Variants in FHL5 observed in about 807,000 individuals in gnomAD.
FHL5 encodes the protein four and a half LIM domains protein 5.
FHL5 carries 33 observed loss-of-function variants against 32.0 expected under a neutral mutation model. The ratio of observed to expected loss-of-function variants is 1.03; its 90% CI spans 0.78 to 1.38. The LOEUF is 1.38. FHL5 is among the 40% of genes most tolerant of loss of function. The pLI, the probability that FHL5 is intolerant of heterozygous loss-of-function variation, is 0.00. For missense variants in FHL5, 336 were observed against 343.9 expected (o/e 0.98, Z 0.18); for synonymous variants, 114 against 113.6 (o/e 1.00, Z -0.02).
At chr6:96,590,343 T>C (rs768384601) in intron 1 of FHL5, among the ~76,000 whole-genome samples, 7 of 152,060 alleles carry the variant, frequency 4.6e-5, no homozygotes, top group Non-Finnish European at 8.8e-5. Flanking sequence ...TAATTTTCTA[T>C]GTAGAGAGCT....
intron 1 of FHL5, among the ~76,000 whole-genome samples, chr6:96,582,343 T>A (rs904062417): frequency 2.0e-5 from 3 of 151,964 alleles, no homozygotes; most frequent in Non-Finnish European, 1.5e-5. Context: ...TTTTCTTATA[T>A]CCCAGTGAGA....
intron 1 of FHL5, among the ~76,000 whole-genome samples, chr6:96,569,263 CGTT>C (rs1332542948): frequency 1.3e-5 from 2 of 151,896 alleles, no homozygotes; most frequent in African/African-American, 4.8e-5. Flanking sequence ...TAAAGTTCCT[CGTT>C]ATTTTGATTT....
chr6:96,570,304 T>C (rs1258036470), intron 1 of FHL5, among the ~76,000 whole-genome samples: 2 of 152,210 alleles, frequency 1.3e-5, no homozygotes, highest in Admixed American at 6.5e-5. Context: ...TTTATAACTC[T>C]ATTCTCTCCT....
At chr6:96,612,294 G>C (rs1471560368) in intron 5 of FHL5, among the ~76,000 whole-genome samples, 2 of 152,088 alleles carry the variant, frequency 1.3e-5, no homozygotes, top group Admixed American at 1.3e-4. Context: ...TGGAGCTCCA[G>C]AATCTCCCAA....
chr6:96,592,767 C>G (rs796716964), intron 1 of FHL5, among the ~76,000 whole-genome samples: 36 of 152,306 alleles, frequency 2.4e-4, no homozygotes, highest in African/African-American at 8.7e-4. Flanking sequence ...TGGCTTCAGC[C>G]AGTCCCTCCG....
At chr6:96,586,715 G>A (rs1176272092) in intron 1 of FHL5, among the ~76,000 whole-genome samples, 1 of 152,126 alleles carries the variant, frequency 6.6e-6, no homozygotes, top group Admixed American at 6.6e-5. Context: ...GCCCTAATTG[G>A]AGAGGACTGA....
intron 1 of FHL5, among the ~76,000 whole-genome samples, chr6:96,577,005 A>G (rs1198735546): frequency 6.6e-6 from 1 of 152,248 alleles, no homozygotes; most frequent in African/African-American, 2.4e-5. Flanking sequence ...CCTCAAACAT[A>G]CAACTGCTGA....
At chr6:96,566,248 A>C (rs1021731165) in intron 1 of FHL5, among the ~76,000 whole-genome samples, 1 of 152,018 alleles carries the variant, frequency 6.6e-6, no homozygotes, top group Non-Finnish European at 1.5e-5. Context: ...GAGGACATGC[A>C]GTATTTATCT....
intron 1 of FHL5, among the ~76,000 whole-genome samples, chr6:96,592,203 A>T (rs547826924): frequency 1.5e-4 from 23 of 152,094 alleles, no homozygotes; most frequent in Non-Finnish European, 3.4e-4. Flanking sequence ...GGCTTATTTC[A>T]TCCCTACAGT....
rs1026200289 is a variant in FHL5 at position 96,617,784 on chromosome 6, C to T, written c.*2012C>T. On this transcript the variant is annotated 3_prime_UTR_variant, in exon 6 of 6. Coordinates refer to ENST00000450218, the MANE Select transcript of FHL5 (RefSeq NM_001322466.2). The stretch of plus-strand genomic sequence containing the variant: ...GTTTAGGCATTTTACTGTGTGGGGG[C>T]AGTGAGTATGCACATGATCAGACTT... Among the ~76,000 whole-genome samples, 49 of 152,028 alleles carry T rather than the reference C, an allele frequency of 3.2e-4. No homozygotes were observed. The highest frequency in any genetic ancestry group is 1.0e-3 in the African/African-American group (42 of 41,360).
intron 5 of FHL5, among the ~76,000 whole-genome samples, chr6:96,612,016 C>G (rs368851532): frequency 6.6e-6 from 1 of 152,210 alleles, no homozygotes; most frequent in African/African-American, 2.4e-5. Context: ...CATTCCCCAG[C>G]AGGGTCACCA....
At chr6:96,582,718 T>A (rs148876044) in intron 1 of FHL5, among the ~76,000 whole-genome samples, 1 of 152,304 alleles carries the variant, frequency 6.6e-6, no homozygotes, top group Non-Finnish European at 1.5e-5. Flanking sequence ...GAGACTAATA[T>A]CAAACATTCC....
intron 1 of FHL5, among the ~76,000 whole-genome samples, chr6:96,574,412 G>A (rs1022563825): frequency 6.6e-6 from 1 of 152,194 alleles, no homozygotes; most frequent in Admixed American, 6.5e-5. Flanking sequence ...GCCATAGATA[G>A]TATGATAATG....
At position 96,603,625 on chromosome 6, in the gene FHL5, T is replaced by C; in HGVS notation, c.12T>C (p.Ala4=). Residue 4 remains alanine, a synonymous_variant, in exon 2 of 6, where the codon GCT becomes GCC. Coordinates refer to ENST00000450218, the MANE Select transcript of FHL5 (RefSeq NM_001322466.2). MTT[A]HFYCQYCTAS... is the part of the protein sequence containing the mutation. ...AGGATCAAACCAAAATGACAACTGCTCACTTTTACTGTCAATACTGCACAG... is the reference window on the plus strand; with the variant it reads ...AGGATCAAACCAAAATGACAACTGCCCACTTTTACTGTCAATACTGCACAG... The C allele has an allele frequency of 6.2e-7, 1 of 1,610,682 alleles. No homozygotes were observed. Among genetic ancestry groups the C allele is most frequent in the South Asian group, 1.1e-5 (1 of 90,090 alleles).
At chr6:96,611,111 G>T (rs1052131020) in intron 5 of FHL5, among the ~76,000 whole-genome samples, 1 of 152,158 alleles carries the variant, frequency 6.6e-6, no homozygotes, top group Non-Finnish European at 1.5e-5. Flanking sequence ...AGTGGGAGGA[G>T]AAGAGTACTA....
intron 5 of FHL5, among the ~76,000 whole-genome samples, chr6:96,612,232 A>C (rs1281828628): frequency 6.6e-6 from 1 of 152,110 alleles, no homozygotes; most frequent in Non-Finnish European, 1.5e-5. Context: ...TAGCCAAGAG[A>C]TCTCCACTGA....
chr6:96,604,490 C>T (rs185258552), intron 2 of FHL5, among the ~76,000 whole-genome samples: 337 of 152,038 alleles, frequency 2.2e-3, no homozygotes, highest in African/African-American at 7.9e-3. Flanking sequence ...AGAATATAGG[C>T]AAATTTTGAA....
chr6:96,600,510 C>T (rs1015701106), intron 1 of FHL5, among the ~76,000 whole-genome samples: 2 of 152,082 alleles, frequency 1.3e-5, no homozygotes, highest in African/African-American at 2.4e-5. Flanking sequence ...AACCTTCCTT[C>T]CTTCCTAACA....
At chr6:96,614,278 C>T (rs952900796) in intron 5 of FHL5, among the ~76,000 whole-genome samples, 2 of 152,088 alleles carry the variant, frequency 1.3e-5, no homozygotes, top group Non-Finnish European at 2.9e-5. Flanking sequence ...TATGTATATA[C>T]AGAACATTAC....
Sources: allele counts gnomAD v4.1 joint callset (sites outside exome capture counted in the v4.1 genomes callset), GRCh38; gene constraint gnomAD v4.1.1; transcripts MANE v1.5; gene names NCBI Gene and HGNC (gene_info 2026-07-23, HGNC 2026-07-21).